The following BTRC variants were observed in gnomAD, a reference collection of about 807,000 sequenced individuals.
BTRC encodes the protein F-box/WD repeat-containing protein 1A.
Under a neutral mutation model 85.5 loss-of-function variants are expected in BTRC, and 42 were observed. The ratio of observed to expected loss-of-function variants is 0.49; its 90% CI spans 0.38 to 0.64. The LOEUF is 0.64. Among genes scored for constraint, BTRC ranks in the 30% least tolerant of loss-of-function variants. The pLI is 0.00. For missense variants in BTRC, 594 were observed against 743.5 expected (o/e 0.80, Z 2.34); for synonymous variants, 255 against 263.3 (o/e 0.97, Z 0.30).
At chr10:101,526,799 A>G (rs995741729) in intron 6 of BTRC, among the ~76,000 whole-genome samples, 8 of 152,316 alleles carry the variant, frequency 5.3e-5, no homozygotes, top group Admixed American at 2.0e-4. Context: ...CAAGTGGAAT[A>G]AGAACTCTAG....
At chr10:101,391,134 T>C (rs1943227401) in intron 1 of BTRC, among the ~76,000 whole-genome samples, 2 of 152,212 alleles carry the variant, frequency 1.3e-5, no homozygotes, top group Admixed American at 6.5e-5. Context: ...TACAGGTTAC[T>C]ATTTATCCTG....
chr10:101,423,843 A>G (rs745397680), intron 1 of BTRC, among the ~76,000 whole-genome samples: 1 of 152,212 alleles, frequency 6.6e-6, no homozygotes, highest in Non-Finnish European at 1.5e-5. Flanking sequence ...ATGGCTTCCC[A>G]GAACAGTTTG....
At chr10:101,376,007 G>T (rs1165164276) in intron 1 of BTRC, among the ~76,000 whole-genome samples, 2 of 152,286 alleles carry the variant, frequency 1.3e-5, no homozygotes, top group East Asian at 3.9e-4. Flanking sequence ...AACACAGCAG[G>T]AAGGAGCTGA....
At chr10:101,377,178 C>T (rs556084616) in intron 1 of BTRC, among the ~76,000 whole-genome samples, 7 of 152,158 alleles carry the variant, frequency 4.6e-5, no homozygotes, top group Non-Finnish European at 5.9e-5. Flanking sequence ...TGACCTCTTC[C>T]GTTCAGCATA....
chr10:101,471,372 G>C (rs1375632977), intron 3 of BTRC, among the ~76,000 whole-genome samples: 3 of 152,094 alleles, frequency 2.0e-5, no homozygotes, highest in African/African-American at 7.2e-5. Context: ...CTGGGCAACA[G>C]AAAGAGAAAC....
intron 4 of BTRC, among the ~76,000 whole-genome samples, chr10:101,519,732 A>T (rs1466347507): frequency 6.6e-6 from 1 of 152,134 alleles, no homozygotes; most frequent in African/African-American, 2.4e-5. Flanking sequence ...GCAGTGGCTC[A>T]CGCCTGTGAT....
At chr10:101,396,804 ATT>A (rs767729747) in intron 1 of BTRC, among the ~76,000 whole-genome samples, 14 of 139,666 alleles carry the variant, frequency 1.0e-4, no homozygotes, top group African/African-American at 7.9e-5. Context: ...TCTCCAAAAG[ATT>A]TTTTTTTTTT....
intron 2 of BTRC, among the ~76,000 whole-genome samples, chr10:101,448,918 G>T (rs1224780012): frequency 6.6e-6 from 1 of 151,874 alleles, no homozygotes; most frequent in African/African-American, 2.4e-5. Context: ...ATAGAAATAA[G>T]TGAGAGGAAT....
At chr10:101,510,511 A>T (rs891608618) in intron 4 of BTRC, among the ~76,000 whole-genome samples, 1 of 136,650 alleles carries the variant, frequency 7.3e-6, no homozygotes, top group African/African-American at 2.5e-5. Flanking sequence ...CTCCATCTTA[A>T]AAAAAAACAA....
chr10:101,374,631 G>T (rs1942737889), intron 1 of BTRC, among the ~76,000 whole-genome samples: 1 of 114,482 alleles, frequency 8.7e-6, no homozygotes, highest in Non-Finnish European at 1.7e-5. Context: ...GGGGACTGTT[G>T]TGGGGTGGGG....
chr10:101,459,232 A>G (rs1945158949), intron 2 of BTRC, among the ~76,000 whole-genome samples: 1 of 152,212 alleles, frequency 6.6e-6, no homozygotes. Context: ...GAATCCTCAT[A>G]GATAAAGATG....
At chr10:101,432,197 G>A (rs192807906) in intron 2 of BTRC, among the ~76,000 whole-genome samples, 38 of 150,294 alleles carry the variant, frequency 2.5e-4, no homozygotes, top group Admixed American at 4.0e-4. Context: ...GCACAATCTC[G>A]ACTCACAGCA....
chr10:101,420,431 T>C (rs1303675161), intron 1 of BTRC, among the ~76,000 whole-genome samples: 2 of 152,056 alleles, frequency 1.3e-5, no homozygotes, highest in African/African-American at 4.8e-5. Flanking sequence ...GGTCTGAAAC[T>C]CACTGCTGGA....
At chr10:101,541,182 A>G (rs1390418491) in intron 13 of BTRC, among the ~76,000 whole-genome samples, 1 of 149,418 alleles carries the variant, frequency 6.7e-6, no homozygotes, top group Non-Finnish European at 1.5e-5. Flanking sequence ...TTTTTTGTTC[A>G]TGATCTTAGG....
At chr10:101,357,452 A>G (rs1288809919) in intron 1 of BTRC, among the ~76,000 whole-genome samples, 1 of 151,638 alleles carries the variant, frequency 6.6e-6, no homozygotes, top group African/African-American at 2.4e-5. Flanking sequence ...AAAAAAAAAA[A>G]AAAAAAAAAG....
intron 13 of BTRC, among the ~76,000 whole-genome samples, chr10:101,546,964 A>C (rs2062567871): frequency 6.6e-6 from 1 of 152,244 alleles, no homozygotes. Flanking sequence ...ATTTTCTGTT[A>C]TCTCTTCTAT....
chr10:101,375,417 G>A (rs959471656), intron 1 of BTRC, among the ~76,000 whole-genome samples: 1 of 152,172 alleles, frequency 6.6e-6, no homozygotes, highest in East Asian at 1.9e-4. Context: ...TTCTTGTACA[G>A]CCTGCAGAAC....
intron 1 of BTRC, among the ~76,000 whole-genome samples, chr10:101,404,022 A>ATTTTT (rs1943554315): frequency 8.1e-5 from 2 of 24,834 alleles, no homozygotes; most frequent in African/African-American, 2.5e-4. Flanking sequence ...ATATATATAT[A>ATTTTT]TATATATATT....
At chr10:101,476,467 TTTTC>T (rs1313860065) in intron 3 of BTRC, among the ~76,000 whole-genome samples, 4 of 152,042 alleles carry the variant, frequency 2.6e-5, no homozygotes, top group Admixed American at 2.6e-4. Flanking sequence ...AATCTTTACT[TTTTC>T]TTTCTTTCTT....
Sources: allele counts gnomAD v4.1 joint callset (sites outside exome capture counted in the v4.1 genomes callset), GRCh38; gene constraint gnomAD v4.1.1; transcripts MANE v1.5; gene names NCBI Gene and HGNC (gene_info 2026-07-23, HGNC 2026-07-21).